UBTD1: variants seen among roughly 807,000 people sequenced by gnomAD.
UBTD1 encodes the protein ubiquitin domain containing 1, also known as ubiquitin domain-containing protein 1.
A neutral mutation model predicts 21.7 loss-of-function variants in UBTD1; 19 were observed. The observed-to-expected ratio is 0.87, with a 90% CI of 0.61 to 1.28. UBTD1 has a LOEUF of 1.28. Among genes scored for constraint, UBTD1 ranks in the 50% most tolerant of loss-of-function variants. UBTD1 has a pLI of 0.00. For missense variants in UBTD1, 282 were observed against 315.1 expected, an observed-to-expected ratio of 0.89 and a Z score of 0.80; for synonymous variants, 116 against 135.1, an observed-to-expected ratio of 0.86 and a Z score of 0.98.
At chr10:97,531,862 A>G (rs1339303353) in intron 1 of UBTD1, among the ~76,000 whole-genome samples, 1 of 152,196 alleles carries the variant, frequency 6.6e-6, no homozygotes, top group African/African-American at 2.4e-5. Context: ...GTGACAGGCC[A>G]TGGTGTAATG....
At chr10:97,547,817 G>A (rs1020471556) in intron 1 of UBTD1, among the ~76,000 whole-genome samples, 1 of 152,030 alleles carries the variant, frequency 6.6e-6, no homozygotes, top group Non-Finnish European at 1.5e-5. Flanking sequence ...CACCTGCCTT[G>A]GCCTCCCAAG....
chr10:97,539,383 CAGG>C (rs2135674073), intron 1 of UBTD1, among the ~76,000 whole-genome samples: 1 of 152,266 alleles, frequency 6.6e-6, no homozygotes, highest in East Asian at 1.9e-4. Context: ...CAGTTGAGCT[CAGG>C]AGTTCAAGAC....
intron 1 of UBTD1, among the ~76,000 whole-genome samples, chr10:97,503,380 A>C (rs1343369479): frequency 1.5e-4 from 23 of 152,210 alleles, no homozygotes; most frequent in Admixed American, 1.5e-3. Context: ...GTAGATAAAT[A>C]TCTCTGCCCA....
intron 1 of UBTD1, among the ~76,000 whole-genome samples, chr10:97,552,590 A>G (rs1020212403): frequency 2.6e-5 from 4 of 151,784 alleles, no homozygotes; most frequent in Non-Finnish European, 4.4e-5. Flanking sequence ...TTTTGTAGAG[A>G]TGGGTTTTTA....
chr10:97,564,085 A>G (rs1381158942), intron 1 of UBTD1, among the ~76,000 whole-genome samples: 2 of 152,110 alleles, frequency 1.3e-5, no homozygotes, highest in Non-Finnish European at 2.9e-5. Context: ...GGTCCGGTCC[A>G]TCGAGGTTGT....
In UBTD1 at chr10:97,571,095, C is replaced by T. The variant is rs1292307209; in HGVS notation, c.*572C>T. The T allele has an allele frequency of 3.9e-5, 6 of 154,334 alleles. No homozygotes were observed. The highest frequency in any genetic ancestry group is 1.2e-4 in the African/African-American group (5 of 41,486). 9.6% of individuals were successfully genotyped at this position (154,334 alleles called of 1,614,324 possible). On this transcript the variant is annotated 3_prime_UTR_variant, in exon 3 of 3. Coordinates refer to ENST00000370664, the MANE Select transcript of UBTD1 (RefSeq NM_024954.5). ...GGCAGGGTCTGCACAGGGCCATGTC[C>T]TGGCTGTAACCCAGGCAGTGGGAGG...
chr10:97,549,437 G>A (rs1030942645), intron 1 of UBTD1, among the ~76,000 whole-genome samples: 4 of 152,070 alleles, frequency 2.6e-5, no homozygotes, highest in African/African-American at 4.8e-5. Context: ...CATTTCACTC[G>A]CCCGTGCAGC....
chr10:97,525,352 A>C (rs563036674), intron 1 of UBTD1, among the ~76,000 whole-genome samples: 26 of 152,318 alleles, frequency 1.7e-4, no homozygotes, highest in Admixed American at 1.6e-3. Context: ...ATATGCTCGC[A>C]GTTGGGTGGA....
In UBTD1 at chr10:97,570,168, G is replaced by A. The variant is rs760440269; in HGVS notation, c.329G>A (p.Gly110Asp). 12 of 1,612,062 alleles carry A rather than the reference G, an allele frequency of 7.4e-6. No individual in the cohort carries two copies. Among genetic ancestry groups the A allele is most frequent in the African/African-American group, 1.3e-5 (1 of 75,012 alleles). The change falls in exon 3 of 3, where the codon GGC (glycine) becomes GAC (aspartate). Residue 110 changes from glycine to aspartate, a missense_variant. Coordinates refer to ENST00000370664, the MANE Select transcript of UBTD1 (RefSeq NM_024954.5). The surrounding 1 kb of genome is among the most constrained non-coding windows in gnomAD (Gnocchi z 6.6). ...GTLCECYDELGNRYQLPIYCL... is the reference protein window; with the variant it reads ...GTLCECYDELDNRYQLPIYCL... ...CTCTGTGAATGCTACGATGAGCTGGGCAATCGCTACCAGCTGCCCATCTAC... is the reference window on the plus strand; with the variant it reads ...CTCTGTGAATGCTACGATGAGCTGGACAATCGCTACCAGCTGCCCATCTAC...
chr10:97,512,948 C>T (rs1242182814), intron 1 of UBTD1, among the ~76,000 whole-genome samples: 1 of 152,256 alleles, frequency 6.6e-6, no homozygotes, highest in Non-Finnish European at 1.5e-5. Context: ...CTTTTGCAGG[C>T]TGCACCTGGG....
At chr10:97,549,455 G>A (rs986186829) in intron 1 of UBTD1, among the ~76,000 whole-genome samples, 1 of 152,204 alleles carries the variant, frequency 6.6e-6, no homozygotes, top group African/African-American at 2.4e-5. Context: ...AGCATGCCAG[G>A]CATTAACTCT....
At chr10:97,548,261 G>T (rs1564742346) in intron 1 of UBTD1, among the ~76,000 whole-genome samples, 1 of 152,222 alleles carries the variant, frequency 6.6e-6, no homozygotes, top group Non-Finnish European at 1.5e-5. Flanking sequence ...TGTAATCAGG[G>T]TTCCCTCCAG....
intron 1 of UBTD1, among the ~76,000 whole-genome samples, chr10:97,539,251 C>T (rs1397819544): frequency 6.6e-6 from 1 of 152,184 alleles, no homozygotes; most frequent in East Asian, 1.9e-4. Context: ...AACAGCTCCA[C>T]TTTACCGGCC....
intron 1 of UBTD1, among the ~76,000 whole-genome samples, chr10:97,513,441 G>A (rs952708028): frequency 6.6e-6 from 1 of 152,190 alleles, no homozygotes; most frequent in African/African-American, 2.4e-5. Flanking sequence ...CTCGAGTTAC[G>A]GAGGGAAGAT....
intron 1 of UBTD1, among the ~76,000 whole-genome samples, chr10:97,538,665 G>C (rs2135673744): frequency 6.6e-6 from 1 of 152,296 alleles, no homozygotes; most frequent in South Asian, 2.1e-4. Context: ...GGAATGATCT[G>C]AGCAGTTTCT....
chr10:97,525,487 A>G (rs2040484447), intron 1 of UBTD1, among the ~76,000 whole-genome samples: 1 of 152,154 alleles, frequency 6.6e-6, no homozygotes, highest in Admixed American at 6.5e-5. Context: ...TCTTCGGGAG[A>G]GAAAACCAAT....
intron 1 of UBTD1, among the ~76,000 whole-genome samples, chr10:97,554,894 T>A (rs994719148): frequency 2.0e-5 from 3 of 152,180 alleles, no homozygotes; most frequent in African/African-American, 7.2e-5. Flanking sequence ...CTGGTCTCTT[T>A]CTTCTGTGGG....
chr10:97,568,227 T>C (rs2040727745), intron 2 of UBTD1, 86 bp downstream of exon 2: 1 of 1,413,580 alleles, frequency 7.1e-7, no homozygotes, highest in Non-Finnish European at 9.8e-7. Context: ...TGTGGAGCGG[T>C]GGGGCAGGTG....
intron 1 of UBTD1, among the ~76,000 whole-genome samples, chr10:97,560,994 C>T (rs1433123721): frequency 3.3e-5 from 5 of 152,114 alleles, no homozygotes; most frequent in East Asian, 3.9e-4. Context: ...AATGCAGGCA[C>T]GTCGTGGGTG....
Sources: gnomAD v4.1 joint callset for allele counts (sites outside exome capture counted in the v4.1 genomes callset) on GRCh38, gnomAD v4.1.1 for gene constraint, Gnocchi (gnomAD v3.1) non-coding constraint, MANE v1.5 for transcripts, NCBI Gene and HGNC (gene_info 2026-07-23, HGNC 2026-07-21) for gene names.